Variants in MAGI1 observed in about 807,000 individuals in gnomAD.
MAGI1 encodes the protein membrane-associated guanylate kinase, WW and PDZ domain-containing protein 1.
MAGI1 carries 58 observed loss-of-function variants against 139.9 expected under a neutral mutation model. The ratio of observed to expected loss-of-function variants is 0.41; its 90% CI spans 0.34 to 0.52. MAGI1 has a LOEUF of 0.52. Among genes scored for constraint, MAGI1 ranks in the 20% least tolerant of loss-of-function variants. The pLI, the probability that MAGI1 is intolerant of heterozygous loss-of-function variation, is 0.12. For missense variants in MAGI1, 1,874 were observed against 1,901.6 expected (o/e 0.99, Z 0.27); for synonymous variants, 812 against 737.9 (o/e 1.10, Z -1.63).
chr3:65,884,460 A>C (rs2060454990), intron 1 of MAGI1, among the ~76,000 whole-genome samples: 1 of 152,230 alleles, frequency 6.6e-6, no homozygotes, highest in Non-Finnish European at 1.5e-5. Flanking sequence ...TAAATACAAA[A>C]AGCATGGCAT....
At chr3:65,597,924 G>A (rs1559705985) in intron 2 of MAGI1, 2 of 354,542 alleles carry the variant, frequency 5.6e-6, no homozygotes, top group South Asian at 2.0e-5. Context: ...AGAGGCGGGG[G>A]TGGGGGGGGG....
chr3:65,527,308 G>A (rs565278929), intron 2 of MAGI1, among the ~76,000 whole-genome samples: 20 of 152,304 alleles, frequency 1.3e-4, no homozygotes, highest in South Asian at 2.1e-4. Flanking sequence ...GGCTGGGTAC[G>A]GTGGCTCATG....
Position 65,439,998 on chromosome 3 carries a change from T to C in MAGI1, c.1151A>G (p.Lys384Arg), listed in dbSNP as rs536268252. ...GIYYVDHINR[K>R]TQYENPVLEA... ...TAGAACCGGGTTCTCATATTGTGTC[T>C]TCCTGTTGATGTGGCTGGGGAAGAT... Residue 384 changes from lysine (K) to arginine (R), a missense_variant, in exon 9 of 23, where the codon AAG becomes AGG. This residue lies in a region of MAGI1 where 648 missense variants were observed against 598.1 expected (regional missense o/e 1.08). Coordinates refer to ENST00000402939, the MANE Select transcript of MAGI1 (RefSeq NM_001033057.2). 1.9e-6 allele frequency: 3 copies of C among 1,614,046 alleles called. No individual in the cohort carries two copies. Among genetic ancestry groups the C allele is most frequent in the Admixed American group, 1.7e-5 (1 of 60,008 alleles).
intron 4 of MAGI1, among the ~76,000 whole-genome samples, chr3:65,476,341 C>A (rs13321984): frequency 0.011 from 1,668 of 152,198 alleles, 33 homozygotes; most frequent in African/African-American, 0.038. Context: ...CAGACAAGAA[C>A]GTGAGGAACA....
At chr3:65,554,311 CCTAGA>C (rs977029169) in intron 2 of MAGI1, among the ~76,000 whole-genome samples, 1 of 151,894 alleles carries the variant, frequency 6.6e-6, no homozygotes, top group African/African-American at 2.4e-5. Context: ...ATTCTATATC[CCTAGA>C]CTAGAGAAGA....
chr3:65,467,909 A>G (rs775987389), intron 5 of MAGI1, among the ~76,000 whole-genome samples: 4 of 152,210 alleles, frequency 2.6e-5, no homozygotes, highest in Non-Finnish European at 4.4e-5. Flanking sequence ...TTTTTATAAC[A>G]ATGTTTAAAC....
intron 1 of MAGI1, among the ~76,000 whole-genome samples, chr3:65,833,132 T>C (rs200391714): frequency 0.012 from 1,074 of 92,910 alleles, 10 homozygotes; most frequent in African/African-American, 0.037. Context: ...CTTTTTTTTT[T>C]TGGGAGACAG....
chr3:65,959,490 G>A (rs1040663684), intron 1 of MAGI1, among the ~76,000 whole-genome samples: 1 of 151,796 alleles, frequency 6.6e-6, no homozygotes, highest in African/African-American at 2.4e-5. Flanking sequence ...GGTCTGGAGT[G>A]CAGTGGTGTG....
intron 12 of MAGI1, among the ~76,000 whole-genome samples, chr3:65,412,948 G>A (rs1381474784): frequency 6.6e-6 from 1 of 152,102 alleles, no homozygotes; most frequent in African/African-American, 2.4e-5. Flanking sequence ...ATGTTCTCAA[G>A]GATTCTTTGA....
intron 2 of MAGI1, among the ~76,000 whole-genome samples, chr3:65,569,657 G>A (rs1463390650): frequency 4.6e-5 from 7 of 152,022 alleles, no homozygotes; most frequent in African/African-American, 1.7e-4. Context: ...TGGGAGGACT[G>A]CTTGAGCCCA....
At chr3:65,788,035 TC>T (rs1290258401) in intron 1 of MAGI1, among the ~76,000 whole-genome samples, 1 of 152,140 alleles carries the variant, frequency 6.6e-6, no homozygotes, top group East Asian at 1.9e-4. Context: ...TTTTTCCTCT[TC>T]CCCCACTTTT....
At chr3:66,009,334 AC>A (rs1481650745) in intron 1 of MAGI1, 2 of 151,746 alleles carry the variant, frequency 1.3e-5, no homozygotes, top group African/African-American at 4.8e-5. Context: ...ATACAGAGAA[AC>A]CCCGTCTCCA....
At position 65,391,167 on chromosome 3, in the gene MAGI1, C is replaced by G. The variant is rs770370338; in HGVS notation, c.2391G>C (p.Gln797His). 2 of 1,614,096 alleles carry G rather than the reference C, an allele frequency of 1.2e-6. No homozygotes were observed. The highest frequency in any genetic ancestry group is 2.7e-5 in the African/African-American group (2 of 74,918). Residue 797 changes from glutamine (Q) to histidine (H), a missense_variant, in exon 14 of 23, where the codon CAG becomes CAC. By Grantham distance (24) the Gln-to-His change is conservative. Around this residue, in one of 5 missense-constraint regions of MAGI1, gnomAD observed 482 missense variants for 509.6 expected, o/e 0.95. Coordinates refer to ENST00000402939, the MANE Select transcript of MAGI1 (RefSeq NM_001033057.2). ...KKPDPFKIWA[Q>H]SRSMYENRLP... ...GTCGGTTTTCATACATGCTCCTGGA[C>G]TGGGCCCAGATTTTAAAAGGATCTG...
chr3:65,390,564 C>A (rs1943841274), intron 14 of MAGI1, among the ~76,000 whole-genome samples: 1 of 152,080 alleles, frequency 6.6e-6, no homozygotes, highest in Admixed American at 6.5e-5. Flanking sequence ...CAAGAAGTTA[C>A]AAAGTATACT....
At chr3:65,887,648 T>C (rs536732703) in intron 1 of MAGI1, among the ~76,000 whole-genome samples, 1 of 152,162 alleles carries the variant, frequency 6.6e-6, no homozygotes, top group South Asian at 2.1e-4. Flanking sequence ...AAAATAAAAA[T>C]TCTATGTCTG....
intron 10 of MAGI1, among the ~76,000 whole-genome samples, chr3:65,431,196 G>A (rs920397975): frequency 6.6e-6 from 1 of 152,146 alleles, no homozygotes; most frequent in East Asian, 1.9e-4. Context: ...GAATTGAGCT[G>A]CCACAAACCC....
intron 1 of MAGI1, among the ~76,000 whole-genome samples, chr3:65,686,958 C>T (rs570874858): frequency 2.4e-4 from 36 of 152,284 alleles, no homozygotes; most frequent in African/African-American, 7.9e-4. Flanking sequence ...GAATCTGTAG[C>T]AGGTGCTTTT....
chr3:65,589,962 C>T (rs935377282), intron 2 of MAGI1, among the ~76,000 whole-genome samples: 1 of 152,156 alleles, frequency 6.6e-6, no homozygotes, highest in Admixed American at 6.5e-5. Context: ...TGTCTCATAA[C>T]TCTTAAAATT....
intron 1 of MAGI1, among the ~76,000 whole-genome samples, chr3:65,625,344 G>A (rs990028177): frequency 6.6e-6 from 1 of 152,162 alleles, no homozygotes; most frequent in Non-Finnish European, 1.5e-5. Flanking sequence ...TGAGTACTAT[G>A]TGTGAGTCAA....
Sources: allele counts gnomAD v4.1 joint callset (sites outside exome capture counted in the v4.1 genomes callset), GRCh38; gene constraint gnomAD v4.1.1; regional missense constraint gnomAD v4.1.1; transcripts MANE v1.5; gene names NCBI Gene and HGNC (gene_info 2026-07-23, HGNC 2026-07-21).